The following DNAH11 variants were observed in gnomAD, a reference collection of about 807,000 sequenced individuals.
The protein encoded by DNAH11 is dynein axonemal heavy chain 11, also known as axonemal beta dynein heavy chain 11.
A neutral mutation model predicts 526.0 loss-of-function variants in DNAH11; 442 were observed. That is an observed-to-expected ratio of 0.84 (90% CI 0.78 to 0.91). The LOEUF is 0.91. DNAH11 is among the 40% of genes least tolerant of loss of function. DNAH11 has a pLI of 0.00. For missense variants in DNAH11, 6,989 were observed against 5,448.7 expected (o/e 1.28, Z -8.90); for synonymous variants, 2,461 against 1,935.9 (o/e 1.27, Z -7.12).
rs116793417 is a variant in DNAH11, at chr7:21,684,812, C to T, written c.5621+868C>T. 9.2e-3 allele frequency among the ~76,000 whole-genome samples: 1,397 copies of T among 152,340 alleles called. 24 individuals carry two copies. Among genetic ancestry groups the T allele is most frequent in the African/African-American group, 0.029 (1,218 of 41,586 alleles). ...GAATATTGCGGAGATAAGAATATGT[C>T]ACATTGACGGGAATTTCTTTGTTAG... On this transcript the variant is annotated intron_variant, in intron 32 of 81. Transcript: ENST00000409508.
chr7:21,852,567 A>G lies in DNAH11; in HGVS notation c.10997A>G (p.Asp3666Gly). 6.2e-7 allele frequency: 1 copy of G among 1,612,778 alleles called. No homozygotes were observed. Among genetic ancestry groups the G allele is most frequent in the South Asian group, 1.1e-5 (1 of 90,638 alleles). ...RLSAAEGSFL[D>G]DTKLVERLEA... is the part of the protein sequence containing the mutation. ...TCTGCGGCAGAGGGAAGCTTTCTGG[A>G]TGACACCAAACTGGTAGAGAGATTG... The change falls in exon 67 of 82, where the codon GAT becomes GGT. Residue 3666 changes from aspartate to glycine, a missense_variant. Physicochemically the swap from Asp to Gly is moderately conservative, Grantham distance 94. Transcript: ENST00000409508.
At chr7:21,615,010 G>T in intron 20 of DNAH11, 104 bp from the exon 21 acceptor site, 1 of 1,294,642 alleles carries the variant, frequency 7.7e-7, no homozygotes, top group Non-Finnish European at 1.0e-6. Context: ...TTATTTTCCC[G>T]TTAAAAATCA....
intron 44 of DNAH11, among the ~76,000 whole-genome samples, chr7:21,725,057 A>G (rs563478892): frequency 1.1e-4 from 15 of 131,044 alleles, no homozygotes; most frequent in African/African-American, 3.7e-4. Context: ...TTTATTTTCC[A>G]ACCCTAATCT....
At chr7:21,885,098 T>TA (rs36115410) in intron 76 of DNAH11, among the ~76,000 whole-genome samples, 1 of 141,710 alleles carries the variant, frequency 7.1e-6, no homozygotes, top group Admixed American at 7.2e-5. Context: ...AACAAGATAG[T>TA]AAAAAAAAAG....
Position 21,599,886 on chromosome 7 carries a change from A to C in DNAH11, c.2767A>C (p.Ile923Leu). 6.2e-7 allele frequency: 1 copy of C among 1,613,304 alleles called. No homozygotes were observed. Among genetic ancestry groups the C allele is most frequent in the Non-Finnish European group, 8.5e-7 (1 of 1,179,578 alleles). The change falls in exon 15 of 82, where the codon ATA becomes CTA. Residue 923 changes from isoleucine (I) to leucine (L), a missense_variant. Physicochemically the swap from Ile to Leu is conservative, Grantham distance 5. Coordinates refer to ENST00000409508, the MANE Select transcript of DNAH11 (RefSeq NM_001277115.2). ...TGTGGTGGAAGGCTTTTTTCAGGCT[A>C]TAATGCACGACTTAGACTTCTTTCT... is the stretch of plus-strand genomic sequence containing the variant. The part of the protein sequence containing the change: ...DIVVEGFFQA[I>L]MHDLDFFLKN...
At chr7:21,837,707 C>G (rs377112716) in intron 65 of DNAH11, among the ~76,000 whole-genome samples, 1 of 152,088 alleles carries the variant, frequency 6.6e-6, no homozygotes, top group Admixed American at 6.5e-5. Flanking sequence ...TACCATTTGA[C>G]CACTTGAAGT....
chr7:21,598,372 C>A (rs899453015), intron 14 of DNAH11, among the ~76,000 whole-genome samples: 4 of 152,112 alleles, frequency 2.6e-5, no homozygotes, highest in African/African-American at 4.8e-5. Flanking sequence ...AAGCACACTG[C>A]GTGCTCAACC....
chr7:21,808,120 A>G (rs1050408853), intron 63 of DNAH11, 71 bp downstream of exon 63: 3 of 1,250,304 alleles, frequency 2.4e-6, no homozygotes, highest in African/African-American at 3.0e-5. Context: ...AAACCCACAT[A>G]TATGCCAGGC....
chr7:21,762,344 G>A (rs985417816), intron 54 of DNAH11, among the ~76,000 whole-genome samples: 1 of 152,194 alleles, frequency 6.6e-6, no homozygotes, highest in Non-Finnish European at 1.5e-5. Context: ...CCAGTTACAA[G>A]TGTGGAAATA....
At chr7:21,744,371 T>C in intron 49 of DNAH11, 67 bp from the exon 50 acceptor site, 1 of 1,529,542 alleles carries the variant, frequency 6.5e-7, no homozygotes, top group Non-Finnish European at 8.9e-7. Flanking sequence ...GTTTAAAAAG[T>C]GTTAAACTCA....
chr7:21,632,348 T>C lies in DNAH11; in HGVS notation c.4501-3523T>C, dbSNP rs112575654. Among the ~76,000 whole-genome samples the C allele has an allele frequency of 1.9e-3, 296 of 152,312 alleles. 3 individuals carry two copies. The highest frequency in any genetic ancestry group is 6.9e-3 in the African/African-American group (288 of 41,576). ...ATTAACATTCAGCTCCTGGTTACTT[T>C]TGCAAATTTCTGCAGTCAGGTTGAA... On this transcript the variant is annotated intron_variant, in intron 25 of 81. Coordinates refer to ENST00000409508, the MANE Select transcript of DNAH11 (RefSeq NM_001277115.2).
chr7:21,711,368 G>A (rs116568273), intron 41 of DNAH11, among the ~76,000 whole-genome samples: 2,240 of 152,224 alleles, frequency 0.015, 54 homozygotes, highest in African/African-American at 0.051. Context: ...AAGTTTCTTT[G>A]GACAATTGAT....
intron 2 of DNAH11, among the ~76,000 whole-genome samples, chr7:21,553,814 T>G (rs1360868587): frequency 6.6e-6 from 1 of 152,310 alleles, no homozygotes; most frequent in South Asian, 2.1e-4. Flanking sequence ...GTTTCATTTT[T>G]ATTTATGCTT....
intron 57 of DNAH11, among the ~76,000 whole-genome samples, chr7:21,780,566 A>G (rs1443954109): frequency 6.6e-6 from 1 of 151,832 alleles, no homozygotes; most frequent in Non-Finnish European, 1.5e-5. Context: ...TTAAAATATA[A>G]ATACTCTAGA....
At chr7:21,720,697 C>A (rs1036808616) in intron 43 of DNAH11, 28 bp from the exon 44 acceptor site, 2 of 1,530,136 alleles carry the variant, frequency 1.3e-6, no homozygotes, top group African/African-American at 1.4e-5. Context: ...AAAAATGTTG[C>A]CTTATTTGAC....
chr7:21,607,571 ATTAT>A (rs1345747087), intron 20 of DNAH11, among the ~76,000 whole-genome samples: 1 of 152,116 alleles, frequency 6.6e-6, no homozygotes, highest in Non-Finnish European at 1.5e-5. Flanking sequence ...TATGACTTTC[ATTAT>A]TTCTTTTTAA....
chr7:21,685,463 T>C (rs1783332831), intron 32 of DNAH11, among the ~76,000 whole-genome samples: 1 of 152,222 alleles, frequency 6.6e-6, no homozygotes. Context: ...TGAATTGTGT[T>C]GGATAAAATG....
intron 54 of DNAH11, among the ~76,000 whole-genome samples, chr7:21,751,280 C>T (rs1014444259): frequency 3.3e-5 from 5 of 152,036 alleles, no homozygotes; most frequent in African/African-American, 7.2e-5. Flanking sequence ...GCCAAGATCG[C>T]GCCATTGTAC....
At position 21,860,947 on chromosome 7, in the gene DNAH11, C is replaced by G. The variant is rs531308320; in HGVS notation, c.11203-906C>G. ...CATCAGATCTCATGAGAGTTATTCA[C>G]TACCACCAGAACAGTATGGGAGAAA... On this transcript the variant is annotated intron_variant, in intron 68 of 81. Transcript: ENST00000409508. 3.3e-5 allele frequency among the ~76,000 whole-genome samples: 5 copies of G among 152,278 alleles called. No homozygotes were observed. In the South Asian group the frequency reaches 6.2e-4, roughly 19 times the overall value.
Sources: gnomAD v4.1 joint callset for allele counts (sites outside exome capture counted in the v4.1 genomes callset) on GRCh38, gnomAD v4.1.1 for gene constraint, MANE v1.5 for transcripts, NCBI Gene and HGNC (gene_info 2026-07-23, HGNC 2026-07-21) for gene names.